NFIB: variants seen among roughly 807,000 people sequenced by gnomAD.
NFIB encodes nuclear factor I B.
Under a neutral mutation model 61.5 loss-of-function variants are expected in NFIB, and 11 were observed. The ratio of observed to expected loss-of-function variants is 0.18; its 90% CI spans 0.11 to 0.30. NFIB has a LOEUF of 0.30. Ranked by LOEUF, NFIB falls within the 10% of genes least tolerant of loss-of-function variation. The pLI, the probability that NFIB is intolerant of heterozygous loss-of-function variation, is 1.00. For missense variants in NFIB, 471 were observed against 608.9 expected, an observed-to-expected ratio of 0.77 and a Z score of 2.38; for synonymous variants, 260 against 216.5, an observed-to-expected ratio of 1.20 and a Z score of -1.76.
intron 2 of NFIB, chr9:14,204,736 C>A (rs73413860): frequency 1.2e-5 from 7 of 577,234 alleles, no homozygotes; most frequent in Non-Finnish European, 1.2e-5. Flanking sequence ...TGGATCCCAT[C>A]GAGCTGGTTG....
chr9:14,150,916 T>A (rs2042799930), intron 4 of NFIB, among the ~76,000 whole-genome samples: 1 of 152,186 alleles, frequency 6.6e-6, no homozygotes, highest in South Asian at 2.1e-4. Flanking sequence ...TATGTCTTTA[T>A]CAAAATATCT....
chr9:14,101,978 CAG>C (rs2118841050), intron 10 of NFIB, among the ~76,000 whole-genome samples: 1 of 151,720 alleles, frequency 6.6e-6, no homozygotes, highest in Non-Finnish European at 1.5e-5. Flanking sequence ...TTCCCTACAA[CAG>C]GGGAAAAAAA....
At position 14,249,072 on chromosome 9, in the gene NFIB, C is replaced by T. The variant is rs1180355595; in HGVS notation, c.562+57917G>A. 2.0e-5 allele frequency among the ~76,000 whole-genome samples: 3 copies of T among 152,156 alleles called. No homozygotes were observed. The East Asian group carries it at 5.8e-4, about 29-fold the overall frequency. On this transcript the variant is annotated intron_variant, in intron 2 of 10. Transcript: ENST00000380953. ...TTACACTTGCAATTAATATACAAAC[C>T]AAATAGCAGCAAGAATTTGACACCT...
the NFIB span, among the ~76,000 whole-genome samples, chr9:14,433,245 C>T: frequency 1.3e-5 from 2 of 152,182 alleles, no homozygotes; most frequent in African/African-American, 2.4e-5. Flanking sequence ...ACAATACAAA[C>T]CCCAGTCTTT....
rs1011872669 is a variant in NFIB, at chr9:14,134,913, A to AAAAAAAAAAG, written c.926-9148_926-9147insCTTTTTTTTT. On this transcript the variant is annotated intron_variant, in intron 6 of 10. Coordinates refer to ENST00000380953, the MANE Select transcript of NFIB (RefSeq NM_001190737.2). ...ACTCTGTCTCAAAAAAAAAAAAAAA[A>AAAAAAAAAAG]AAAAAAAGGAAATTGAAGGATATGG... Among the ~76,000 whole-genome samples, 123 of 133,360 alleles carry AAAAAAAAAAG rather than the reference A, an allele frequency of 9.2e-4. 1 individual carries two copies. The highest frequency in any genetic ancestry group is 4.6e-3 in the Middle Eastern group (1 of 216). The allele number at this position is 133,360 out of a possible 152,430, so 87.5% of individuals were successfully genotyped here.
chr9:14,150,054 C>T, intron 5 of NFIB, 91 bp downstream of exon 5: 1 of 1,543,068 alleles, frequency 6.5e-7, no homozygotes, highest in Non-Finnish European at 8.7e-7. Context: ...TCCCATCTCT[C>T]TTTACCTACC....
intron 1 of NFIB, among the ~76,000 whole-genome samples, chr9:14,336,446 G>A (rs2060886797): frequency 6.6e-6 from 1 of 152,204 alleles, no homozygotes; most frequent in Non-Finnish European, 1.5e-5. Flanking sequence ...CATGGGCCTG[G>A]GGAAACCCAG....
At chr9:14,267,741 C>T (rs2057314060) in intron 2 of NFIB, among the ~76,000 whole-genome samples, 1 of 152,208 alleles carries the variant, frequency 6.6e-6, no homozygotes, top group Admixed American at 6.5e-5. Flanking sequence ...TTGTACGCTA[C>T]TGTATCCAAA....
chr9:14,471,427 C>T, the NFIB span, among the ~76,000 whole-genome samples: 2 of 152,192 alleles, frequency 1.3e-5, no homozygotes, highest in African/African-American at 2.4e-5. Flanking sequence ...CCCCCAGAAG[C>T]GTTGCCATCA....
the NFIB span, among the ~76,000 whole-genome samples, chr9:14,472,533 T>G: frequency 2.1e-4 from 32 of 152,312 alleles, 1 homozygote; most frequent in East Asian, 1.3e-3. Context: ...ATTTCATTTT[T>G]CTAGTAATTC....
intron 1 of NFIB, among the ~76,000 whole-genome samples, chr9:14,378,962 C>A (rs971754487): frequency 1.3e-5 from 2 of 152,092 alleles, no homozygotes; most frequent in African/African-American, 4.8e-5. Context: ...ATGGAAGCCT[C>A]CCACAATTAA....
chr9:14,516,993 T>G, the NFIB span, among the ~76,000 whole-genome samples: 1 of 152,142 alleles, frequency 6.6e-6, no homozygotes, highest in South Asian at 2.1e-4. Flanking sequence ...TTACATTAGT[T>G]TTGTTTCTTA....
At chr9:14,433,906 A>G in the NFIB span, among the ~76,000 whole-genome samples, 1 of 152,222 alleles carries the variant, frequency 6.6e-6, no homozygotes, top group Non-Finnish European at 1.5e-5. Flanking sequence ...GCTTGGGATC[A>G]GCCTCGTTCT....
chr9:14,182,617 G>A (rs1040909937), intron 2 of NFIB, among the ~76,000 whole-genome samples: 5 of 147,564 alleles, frequency 3.4e-5, no homozygotes, highest in African/African-American at 1.0e-4. Context: ...TCACCACCTA[G>A]GTCAAATTAC....
the NFIB span, among the ~76,000 whole-genome samples, chr9:14,463,788 G>A: frequency 0.74 from 111,944 of 151,074 alleles, 41,667 homozygotes; most frequent in East Asian, 0.88. Flanking sequence ...AGCCTCCCGA[G>A]TAGCTGGGAC....
chr9:14,435,110 T>C, the NFIB span, among the ~76,000 whole-genome samples: 2 of 152,346 alleles, frequency 1.3e-5, no homozygotes, highest in Non-Finnish European at 2.9e-5. Flanking sequence ...TAGAAGATTC[T>C]TGCTTGGAGT....
intron 2 of NFIB, among the ~76,000 whole-genome samples, chr9:14,300,991 T>C (rs930779160): frequency 6.6e-5 from 10 of 152,224 alleles, no homozygotes; most frequent in African/African-American, 1.4e-4. Flanking sequence ...AACTTCCTTA[T>C]GACAGCTTCT....
At chr9:14,520,405 G>C in the NFIB span, among the ~76,000 whole-genome samples, 1 of 152,172 alleles carries the variant, frequency 6.6e-6, no homozygotes, top group African/African-American at 2.4e-5. Context: ...AGCCCGGCAG[G>C]CATTACTTAC....
chr9:14,196,023 G>C (rs886364153), intron 2 of NFIB, among the ~76,000 whole-genome samples: 4 of 152,132 alleles, frequency 2.6e-5, no homozygotes, highest in Non-Finnish European at 5.9e-5. Context: ...GTAGGGAACA[G>C]CATGTGTCTC....
Sources: gnomAD v4.1 joint callset for allele counts (sites outside exome capture counted in the v4.1 genomes callset) on GRCh38, gnomAD v4.1.1 for gene constraint, MANE v1.5 for transcripts, NCBI Gene and HGNC (gene_info 2026-07-23, HGNC 2026-07-21) for gene names.